The following ALDH1A2 variants were observed in gnomAD, a reference collection of about 807,000 sequenced individuals.
ALDH1A2 encodes retinal dehydrogenase 2.
ALDH1A2 carries 27 observed loss-of-function variants against 60.3 expected under a neutral mutation model. The observed-to-expected ratio is 0.45, with a 90% CI of 0.33 to 0.62. The LOEUF is 0.62. Ranked by LOEUF, ALDH1A2 falls within the 20% of genes least tolerant of loss-of-function variation. The probability of loss-of-function intolerance (pLI) is 0.02; values close to 1 mark genes in which losing one functional copy is unlikely to be tolerated. For missense variants in ALDH1A2, 581 were observed against 643.8 expected, an observed-to-expected ratio of 0.90 and a Z score of 1.06; for synonymous variants, 289 against 232.4, an observed-to-expected ratio of 1.24 and a Z score of -2.21.
At chr15:58,042,646 T>C (rs996855601) in intron 1 of ALDH1A2, among the ~76,000 whole-genome samples, 2 of 151,982 alleles carry the variant, frequency 1.3e-5, no homozygotes, top group African/African-American at 4.8e-5. Flanking sequence ...ATCTCATTTA[T>C]ATTGTAGGCT....
At chr15:57,985,219 C>T (rs960664856) in intron 7 of ALDH1A2, among the ~76,000 whole-genome samples, 8 of 152,172 alleles carry the variant, frequency 5.3e-5, no homozygotes, top group African/African-American at 1.7e-4. Context: ...TTCCCAATTC[C>T]GTTATTCCAC....
chr15:57,998,057 T>A (rs930601573), intron 4 of ALDH1A2, among the ~76,000 whole-genome samples: 7 of 151,876 alleles, frequency 4.6e-5, no homozygotes, highest in African/African-American at 1.7e-4. Context: ...TCAAAATAAT[T>A]AAGAGTCATT....
At chr15:57,982,655 G>T (rs543208841) in intron 7 of ALDH1A2, among the ~76,000 whole-genome samples, 1 of 152,292 alleles carries the variant, frequency 6.6e-6, no homozygotes, top group South Asian at 2.1e-4. Context: ...TTACTGTTCA[G>T]CTTGGGAATT....
intron 1 of ALDH1A2, among the ~76,000 whole-genome samples, chr15:58,016,997 T>G (rs1213093648): frequency 1.3e-5 from 2 of 152,126 alleles, no homozygotes; most frequent in Admixed American, 1.3e-4. Context: ...TCACAATAAT[T>G]AGATGAATGA....
At chr15:58,030,844 AAGG>A (rs1353312873) in intron 1 of ALDH1A2, among the ~76,000 whole-genome samples, 7 of 152,220 alleles carry the variant, frequency 4.6e-5, no homozygotes, top group Non-Finnish European at 8.8e-5. Context: ...GGACCTCTTC[AAGG>A]AGAACTACAA....
chr15:57,963,347 CTT>C (rs67005556), intron 9 of ALDH1A2, among the ~76,000 whole-genome samples: 15 of 137,456 alleles, frequency 1.1e-4, no homozygotes, highest in Non-Finnish European at 7.8e-5. Context: ...TCAGAATATT[CTT>C]TTTTTTTTTT....
At chr15:57,996,072 C>T (rs1190779406) in intron 4 of ALDH1A2, among the ~76,000 whole-genome samples, 1 of 151,994 alleles carries the variant, frequency 6.6e-6, no homozygotes, top group African/African-American at 2.4e-5. Flanking sequence ...AAAAGCAGTC[C>T]CCTAAGGCAA....
intron 7 of ALDH1A2, among the ~76,000 whole-genome samples, chr15:57,968,302 C>A (rs1189668877): frequency 6.6e-6 from 1 of 152,166 alleles, no homozygotes; most frequent in Non-Finnish European, 1.5e-5. Flanking sequence ...TCAAAAAACC[C>A]TACACAGTAG....
chr15:58,029,561 A>T (rs1431795997), intron 1 of ALDH1A2, among the ~76,000 whole-genome samples: 27 of 143,668 alleles, frequency 1.9e-4, no homozygotes, highest in Admixed American at 3.5e-4. Context: ...GAACTGAAGG[A>T]GATAGAGACA....
chr15:58,045,152 A>T (rs117530007), intron 1 of ALDH1A2, among the ~76,000 whole-genome samples: 2 of 152,094 alleles, frequency 1.3e-5, no homozygotes, highest in Non-Finnish European at 2.9e-5. Context: ...AAAAATGCTC[A>T]TCATTGGTCA....
At chr15:57,956,751 A>G (rs563785766) in intron 12 of ALDH1A2, among the ~76,000 whole-genome samples, 2 of 152,240 alleles carry the variant, frequency 1.3e-5, no homozygotes, top group African/African-American at 4.8e-5. Flanking sequence ...GTGTCTCTTC[A>G]TCACGGACAC....
intron 7 of ALDH1A2, among the ~76,000 whole-genome samples, chr15:57,983,918 G>A (rs1268528815): frequency 6.6e-6 from 1 of 152,128 alleles, no homozygotes; most frequent in East Asian, 1.9e-4. Context: ...ACCCTGTATT[G>A]TAACAAATGG....
intron 1 of ALDH1A2, among the ~76,000 whole-genome samples, chr15:58,061,597 AAAAAAAAAAAAAC>A (rs1373419775): frequency 5.0e-5 from 7 of 138,678 alleles, no homozygotes; most frequent in South Asian, 2.3e-4. Flanking sequence ...CCTTCCCTCA[AAAAAAAAAAAAAC>A]AAAAAAAAAA....
At chr15:57,966,706 G>A (rs536658946) in intron 7 of ALDH1A2, among the ~76,000 whole-genome samples, 1 of 152,326 alleles carries the variant, frequency 6.6e-6, no homozygotes, top group African/African-American at 2.4e-5. Context: ...GCCCAGCACA[G>A]GACTGGGCTC....
At chr15:57,986,692 G>C (rs1894715356) in intron 7 of ALDH1A2, among the ~76,000 whole-genome samples, 1 of 151,100 alleles carries the variant, frequency 6.6e-6, no homozygotes, top group South Asian at 2.1e-4. Context: ...ATTATTATTA[G>C]ATGGAGTCTC....
chr15:58,000,366 C>A (rs1895222824), intron 4 of ALDH1A2, among the ~76,000 whole-genome samples: 1 of 151,900 alleles, frequency 6.6e-6, no homozygotes, highest in South Asian at 2.1e-4. Flanking sequence ...TCATTCACAG[C>A]TACTAAGACC....
chr15:57,961,033 G>A lies in ALDH1A2; in HGVS notation c.1409+104C>T, dbSNP rs3784261. On this transcript the variant is annotated intron_variant, in intron 11 of 12. Coordinates refer to ENST00000249750, the MANE Select transcript of ALDH1A2 (RefSeq NM_003888.4). ...GTGTACCCCTTTTCTGGTGAACTTTGGTTGCTTTTGGTATTCCCCATCCTT... is the reference window on the plus strand; with the variant it reads ...GTGTACCCCTTTTCTGGTGAACTTTAGTTGCTTTTGGTATTCCCCATCCTT... The A allele has an allele frequency of 1.2e-3, 1,740 of 1,487,860 alleles. 31 individuals carry two copies. The East Asian group carries it at 0.034, about 29-fold the overall frequency. The allele number at this position is 1,487,860 out of a possible 1,614,324, so 92.2% of individuals were successfully genotyped here. A position where few individuals can be genotyped will look rare whatever the true frequency, so the allele number is the denominator to read the frequency against.
chr15:58,051,985 T>C (rs1303504364), intron 1 of ALDH1A2, among the ~76,000 whole-genome samples: 1 of 152,112 alleles, frequency 6.6e-6, no homozygotes, highest in Non-Finnish European at 1.5e-5. Flanking sequence ...TATTACAAAG[T>C]ATTAAAATCA....
At chr15:57,973,047 G>T (rs1035238135) in intron 7 of ALDH1A2, among the ~76,000 whole-genome samples, 2 of 152,152 alleles carry the variant, frequency 1.3e-5, no homozygotes, top group Non-Finnish European at 2.9e-5. Context: ...ACAGCTGTTA[G>T]CTACAAACAT....
Sources: allele counts gnomAD v4.1 joint callset (sites outside exome capture counted in the v4.1 genomes callset), GRCh38; gene constraint gnomAD v4.1.1; transcripts MANE v1.5; gene names NCBI Gene and HGNC (gene_info 2026-07-23, HGNC 2026-07-21).